Variants in ZDHHC5 observed in about 807,000 individuals in gnomAD.
ZDHHC5 encodes the protein zDHHC palmitoyltransferase 5.
A neutral mutation model predicts 70.0 loss-of-function variants in ZDHHC5; 22 were observed. The observed-to-expected ratio is 0.31, with a 90% CI of 0.22 to 0.45. The LOEUF (loss-of-function observed/expected upper bound fraction) is 0.45. ZDHHC5 is among the 20% of genes least tolerant of loss of function. ZDHHC5 has a pLI of 1.00. For missense variants in ZDHHC5, 746 were observed against 926.9 expected, an observed-to-expected ratio of 0.80 and a Z score of 2.53; for synonymous variants, 313 against 347.8, an observed-to-expected ratio of 0.90 and a Z score of 1.11.
intron 1 of ZDHHC5, among the ~76,000 whole-genome samples, chr11:57,668,754 A>C (rs1162125546): frequency 1.3e-5 from 2 of 151,828 alleles, no homozygotes; most frequent in African/African-American, 2.4e-5. Context: ...TCCTCCTCCT[A>C]CCGCCACCAG....
chr11:57,695,942 C>G lies in ZDHHC5; in HGVS notation c.908C>G (p.Thr303Arg), dbSNP rs1946344652. Reference sequence around the variant, plus strand: ...CAGTCTAAGGGAAGCCTGGAGATAACAGAGAGCCAGTCTGCAGATGCTGAA... The same window carrying G: ...CAGTCTAAGGGAAGCCTGGAGATAAGAGAGAGCCAGTCTGCAGATGCTGAA... ...RTKSKGSLEI[T>R]ESQSADAEPP... The change falls in exon 9 of 12, where the codon ACA (threonine) becomes AGA (arginine). Residue 303 changes from threonine (T) to arginine (R), a missense_variant. Transcript: ENST00000287169. 1.9e-6 allele frequency: 3 copies of G among 1,614,070 alleles called. No individual in the cohort carries two copies. The highest frequency in any genetic ancestry group is 2.5e-6 in the Non-Finnish European group (3 of 1,180,012).
chr11:57,698,844 T>C lies in ZDHHC5; in HGVS notation c.1408T>C (p.Tyr470His). 4.3e-6 allele frequency: 7 copies of C among 1,614,202 alleles called. No homozygotes were observed. Among genetic ancestry groups the C allele is most frequent in the Non-Finnish European group, 5.9e-6 (7 of 1,180,038 alleles). Reference protein sequence around the residue: ...ANQTRNGSLSYDSLLTPSDSP... With the variant: ...ANQTRNGSLSHDSLLTPSDSP... Reference sequence around the variant, plus strand: ...CCAGACACGCAATGGAAGCCTATCTTATGACAGCTTGCTCACACCTTCAGA... The same window carrying C: ...CCAGACACGCAATGGAAGCCTATCTCATGACAGCTTGCTCACACCTTCAGA... Residue 470 changes from tyrosine (Y) to histidine (H), a missense_variant, in exon 11 of 12, where the codon TAT (tyrosine) becomes CAT (histidine). Transcript: ENST00000287169.
chr11:57,682,573 T>C, intron 3 of ZDHHC5, 30 bp downstream of exon 3: 3 of 1,606,476 alleles, frequency 1.9e-6, no homozygotes, highest in Non-Finnish European at 2.6e-6. Flanking sequence ...TAGAAGCACC[T>C]TACACTGCCT....
Position 57,688,512 on chromosome 11 carries a change from G to A in ZDHHC5, c.231G>A (p.Glu77=), listed in dbSNP as rs139913783. The change falls in exon 4 of 12, where the codon GAG becomes GAA. Residue 77 remains glutamate, a synonymous_variant. Coordinates refer to ENST00000287169, the MANE Select transcript of ZDHHC5 (RefSeq NM_015457.3). ...ATTGACTTTTCCTCTCTACAGCTGA[G>A]GAGGATGAGGACAAGGAAGATGATT... ...FMDPGIFPRA[E]EDEDKEDDFR... is the part of the protein sequence containing the mutation. 356 of 1,574,664 alleles carry A rather than the reference G, an allele frequency of 2.3e-4. No individual in the cohort carries two copies. The highest frequency in any genetic ancestry group is 2.9e-4 in the Non-Finnish European group (335 of 1,156,956).
rs141993890 is a variant in ZDHHC5 at position 57,693,753 on chromosome 11, GTCTCTCTC to G, written c.753-17_753-10del. On this transcript the variant is annotated intron_variant, in intron 7 of 11. Transcript: ENST00000287169. The stretch of plus-strand genomic sequence containing the variant: ...AAATGAATGAAAGCTCTCTCGCTGT[GTCTCTCTC>G]TCTCTCTCTCTCGACACTTAGGTAT... 61 of 1,426,088 alleles carry G rather than the reference GTCTCTCTC, an allele frequency of 4.3e-5. No homozygotes were observed. In the Middle Eastern group the frequency reaches 5.4e-4, roughly 13 times the overall value. 88.3% of individuals were successfully genotyped at this position (1,426,088 alleles called of 1,614,324 possible).
chr11:57,699,327 C>T lies in ZDHHC5; in HGVS notation c.1891C>T (p.Leu631=), dbSNP rs141172250. Residue 631 remains leucine, a synonymous_variant, in exon 11 of 12, where the codon CTG becomes TTG. Transcript: ENST00000287169. ...SPEPGPTAPY[L]GRSMSYSSQK... ...TGAACCAGGCCCAACAGCCCCATAC[C>T]TGGGCCGATCGATGTCTTACAGCAG... The T allele has an allele frequency of 6.2e-7, 1 of 1,613,384 alleles. No homozygotes were observed. Among genetic ancestry groups the T allele is most frequent in the African/African-American group, 1.3e-5 (1 of 75,064 alleles).
intron 3 of ZDHHC5, among the ~76,000 whole-genome samples, chr11:57,684,255 G>T (rs559976441): frequency 2.6e-5 from 4 of 152,148 alleles, no homozygotes; most frequent in African/African-American, 9.7e-5. Flanking sequence ...GATTATAGGC[G>T]TGAGCCACCG....
rs2135396495 is a variant in ZDHHC5, at chr11:57,690,156, T to C, written c.510T>C (p.Tyr170=). ...IMGVFGFGLL[Y]VLYHIEELSG... ...GTGTGTTTGGCTTTGGCCTCCTTTA[T>C]GTCCTCTACCACATAGAGGAACTCT... The change falls in exon 5 of 12, where the codon TAT becomes TAC. Residue 170 remains tyrosine (Y), a synonymous_variant. Coordinates refer to ENST00000287169, the MANE Select transcript of ZDHHC5 (RefSeq NM_015457.3). The C allele has an allele frequency of 3.1e-6, 5 of 1,614,146 alleles. No individual in the cohort carries two copies. Among genetic ancestry groups the C allele is most frequent in the Non-Finnish European group, 4.2e-6 (5 of 1,180,022 alleles).
rs1346556010 is a variant in ZDHHC5, at chr11:57,672,706, C to G, written c.-385C>G. On this transcript the variant is annotated 5_prime_UTR_variant, in exon 2 of 12. Coordinates refer to ENST00000287169, the MANE Select transcript of ZDHHC5 (RefSeq NM_015457.3). Reference sequence around the variant, plus strand: ...GATATTCTCTCCTTCTTTTGAAGACCTGCCTCCATCCATGAGCTGTATCTT... The same window carrying G: ...GATATTCTCTCCTTCTTTTGAAGACGTGCCTCCATCCATGAGCTGTATCTT... The G allele has an allele frequency of 1.6e-5, 3 of 183,916 alleles. No homozygotes were observed. The highest frequency in any genetic ancestry group is 2.8e-4 in the East Asian group (2 of 7,112). 11.4% of individuals were successfully genotyped at this position (183,916 alleles called of 1,614,324 possible).
chr11:57,696,895 G>A, intron 10 of ZDHHC5, 22 bp downstream of exon 10: 1 of 1,611,326 alleles, frequency 6.2e-7, no homozygotes, highest in Non-Finnish European at 8.5e-7. Flanking sequence ...TCTAAGAGGT[G>A]GGGTAATAAC....
At position 57,699,905 on chromosome 11, in the gene ZDHHC5, C is replaced by A. The variant is rs768199834; in HGVS notation, c.2022C>A (p.Asn674Lys). ...TGAAGACCACCTACAGCAAATCCAA[C>A]GGGCAGCCCAAGAGCTTAGGCTCAG... ...VQLKTTYSKS[N>K]GQPKSLGSAS... is the part of the protein sequence containing the mutation. The change falls in exon 12 of 12, where the codon AAC becomes AAA. Residue 674 changes from asparagine to lysine, a missense_variant. By Grantham distance (94) the Asn-to-Lys change is moderately conservative (BLOSUM62 0). Around this residue, in one of 6 missense-constraint regions of ZDHHC5, gnomAD observed 340 missense variants for 350.1 expected, o/e 0.97. Transcript: ENST00000287169. The A allele has an allele frequency of 6.2e-7, 1 of 1,614,250 alleles. No individual in the cohort carries two copies. Among genetic ancestry groups the A allele is most frequent in the Non-Finnish European group, 8.5e-7 (1 of 1,180,046 alleles).
At chr11:57,693,306 T>C (rs1030765627) in intron 7 of ZDHHC5, among the ~76,000 whole-genome samples, 8 of 152,004 alleles carry the variant, frequency 5.3e-5, no homozygotes, top group Non-Finnish European at 1.2e-4. Context: ...TACAACAGGG[T>C]TCTAGGGTTT....
intron 10 of ZDHHC5, among the ~76,000 whole-genome samples, chr11:57,697,454 C>T (rs1236858446): frequency 6.7e-6 from 1 of 149,658 alleles, no homozygotes; most frequent in Non-Finnish European, 1.5e-5. Context: ...CAGAGCGAGA[C>T]CGCATCTCAA....
chr11:57,695,130 C>T (rs905203784), intron 8 of ZDHHC5, among the ~76,000 whole-genome samples: 4 of 152,094 alleles, frequency 2.6e-5, no homozygotes, highest in Non-Finnish European at 4.4e-5. Flanking sequence ...GGCATGGTGG[C>T]GCATGCCTGT....
chr11:57,675,158 AGGGGT>A, intron 2 of ZDHHC5, among the ~76,000 whole-genome samples: 1 of 152,186 alleles, frequency 6.6e-6, no homozygotes, highest in Non-Finnish European at 1.5e-5. Context: ...CTGGGTCAAG[AGGGGT>A]ATGTACAAGA....
chr11:57,695,238 G>T (rs532119478), intron 8 of ZDHHC5, among the ~76,000 whole-genome samples: 2 of 151,894 alleles, frequency 1.3e-5, no homozygotes, highest in African/African-American at 4.8e-5. Context: ...CTCCGCCTGG[G>T]CAACAAGACC....
At chr11:57,675,585 G>A (rs1372342068) in intron 2 of ZDHHC5, among the ~76,000 whole-genome samples, 14 of 152,158 alleles carry the variant, frequency 9.2e-5, no homozygotes. Context: ...AGTCATAGCT[G>A]GAGTTCCTTC....
chr11:57,672,147 T>G lies in ZDHHC5; in HGVS notation c.-944T>G. ...TTCGTTTTCATCCACAGTAAACTTT[T>G]GAAGTGTCATCAATTGGAATTGATT... On this transcript the variant is annotated 5_prime_UTR_variant, in exon 2 of 12. Coordinates refer to ENST00000287169, the MANE Select transcript of ZDHHC5 (RefSeq NM_015457.3). 2.5e-6 allele frequency: 1 copy of G among 398,106 alleles called. No homozygotes were observed. The highest frequency in any genetic ancestry group is 4.4e-6 in the Non-Finnish European group (1 of 225,880). The allele number at this position is 398,106 out of a possible 1,614,324, so 24.7% of individuals were successfully genotyped here.
intron 2 of ZDHHC5, among the ~76,000 whole-genome samples, chr11:57,679,051 T>TA (rs1946111832): frequency 6.6e-6 from 1 of 152,190 alleles, no homozygotes; most frequent in African/African-American, 2.4e-5. Context: ...TCTAAGAACT[T>TA]AACCATTTTT....
Sources: gnomAD v4.1 joint callset for allele counts (sites outside exome capture counted in the v4.1 genomes callset) on GRCh38, gnomAD v4.1.1 for gene constraint, gnomAD v4.1.1 regional missense constraint, MANE v1.5 for transcripts, NCBI Gene and HGNC (gene_info 2026-07-23, HGNC 2026-07-21) for gene names.